SHISAL1: variants seen among roughly 807,000 people sequenced by gnomAD.
The protein encoded by SHISAL1 is shisa like 1.
A neutral mutation model predicts 22.6 loss-of-function variants in SHISAL1; 9 were observed. The observed-to-expected ratio is 0.40, with a 90% confidence interval of 0.24 to 0.70. SHISAL1 has a LOEUF of 0.70. SHISAL1 is among the 30% of genes least tolerant of loss of function. The pLI, the probability that SHISAL1 is intolerant of heterozygous loss-of-function variation, is 0.39. For synonymous variants in SHISAL1, 119 were observed against 115.4 expected (o/e 1.03, Z -0.20); for missense variants, 246 against 270.6 (o/e 0.91, Z 0.64).
chr22:44,312,286 G>A (rs1005594498), intron 1 of SHISAL1, among the ~76,000 whole-genome samples: 4 of 152,030 alleles, frequency 2.6e-5, no homozygotes, highest in African/African-American at 7.3e-5. Flanking sequence ...GAAGTGGGTC[G>A]AACAGACCCA....
chr22:44,315,196 T>A (rs562915211), upstream of SHISAL1, among the ~76,000 whole-genome samples: 1 of 152,168 alleles, frequency 6.6e-6, no homozygotes, highest in East Asian at 1.9e-4. Flanking sequence ...GGCAGAGACA[T>A]GGGCCTGACT....
At position 44,249,457 on chromosome 22, in the gene SHISAL1, C is replaced by T. The variant is rs1281924435; in HGVS notation, c.*228G>A. On this transcript the variant is annotated 3_prime_UTR_variant, in exon 5 of 5. Transcript: ENST00000381176. ...CCAAAATAGGACTATTGCTTGCGGACAGGTGGCTCAGAATCCCCTCCCCTG... is the reference window on the plus strand; with the variant it reads ...CCAAAATAGGACTATTGCTTGCGGATAGGTGGCTCAGAATCCCCTCCCCTG... 2.0e-6 allele frequency: 1 copy of T among 501,054 alleles called. No individual in the cohort carries two copies. Among genetic ancestry groups the T allele is most frequent in the Non-Finnish European group, 3.6e-6 (1 of 276,962 alleles). 31.0% of individuals were successfully genotyped at this position (501,054 alleles called of 1,614,324 possible).
intron 3 of SHISAL1, among the ~76,000 whole-genome samples, chr22:44,287,861 C>T (rs945358355): frequency 6.6e-6 from 1 of 152,090 alleles, no homozygotes; most frequent in African/African-American, 2.4e-5. Context: ...CCTGCTGCAG[C>T]CCCCACGGAA....
Position 44,246,270 on chromosome 22 carries a change from T to C in SHISAL1, c.*3415A>G, listed in dbSNP as rs2147262410. The C allele has an allele frequency of 6.6e-6, 1 of 152,320 alleles. No individual in the cohort carries two copies. Among genetic ancestry groups the C allele is most frequent in the South Asian group, 2.1e-4 (1 of 4,824 alleles). The allele number at this position is 152,320 out of a possible 1,614,324, so 9.4% of individuals were successfully genotyped here. A position where few individuals can be genotyped will look rare whatever the true frequency, so the allele number is the denominator to read the frequency against. On this transcript the variant is annotated 3_prime_UTR_variant, in exon 5 of 5. Coordinates refer to ENST00000381176, the MANE Select transcript of SHISAL1 (RefSeq NM_001099294.2). ...AAAACTGCTCATTAATTACACACAG[T>C]TCCCAGTGGGAAACAGTCCTTACAA...
chr22:44,263,079 C>CTTTTTTTTTTT (rs922017518), intron 4 of SHISAL1, among the ~76,000 whole-genome samples: 1 of 88,252 alleles, frequency 1.1e-5, no homozygotes, highest in Admixed American at 1.4e-4. Context: ...TTCTTTCTTT[C>CTTTTTTTTTTT]TTTTTTTTTT....
At chr22:44,282,299 G>T (rs2147288197) in intron 4 of SHISAL1, among the ~76,000 whole-genome samples, 1 of 152,368 alleles carries the variant, frequency 6.6e-6, no homozygotes, top group East Asian at 1.9e-4. Flanking sequence ...GGAGCCAGGG[G>T]CAGGGAACTC....
intron 4 of SHISAL1, among the ~76,000 whole-genome samples, chr22:44,276,315 C>A (rs1438757203): frequency 6.6e-6 from 1 of 151,928 alleles, no homozygotes; most frequent in Non-Finnish European, 1.5e-5. Context: ...CTGCAGCAAG[C>A]GGCAGTGTGG....
chr22:44,314,583 G>A (rs961513546), upstream of SHISAL1, among the ~76,000 whole-genome samples: 6 of 152,194 alleles, frequency 3.9e-5, no homozygotes, highest in African/African-American at 1.4e-4. Context: ...AACCTGCCTG[G>A]CAGACCGGGG....
intron 4 of SHISAL1, among the ~76,000 whole-genome samples, chr22:44,257,204 G>A (rs1368112626): frequency 7.2e-5 from 11 of 152,200 alleles, no homozygotes; most frequent in South Asian, 2.1e-4. Flanking sequence ...GTGGTCTCAC[G>A]TAACGATTAT....
the SHISAL1 span, among the ~76,000 whole-genome samples, chr22:44,329,463 A>G: frequency 0.25 from 37,597 of 151,436 alleles, 4,835 homozygotes; most frequent in East Asian, 0.3. Flanking sequence ...ACACACACAC[A>G]CGCGCGGCTC....
At chr22:44,317,231 G>A (rs1479707133), upstream of SHISAL1, among the ~76,000 whole-genome samples, 4 of 152,196 alleles carry the variant, frequency 2.6e-5, no homozygotes, top group South Asian at 8.3e-4. Context: ...AGCTCCGAGA[G>A]CCGGGCCAGG....
intron 4 of SHISAL1, among the ~76,000 whole-genome samples, chr22:44,273,605 A>G (rs2055219539): frequency 6.6e-6 from 1 of 152,236 alleles, no homozygotes; most frequent in African/African-American, 2.4e-5. Flanking sequence ...GGATATGTTT[A>G]CTTGTTCGTT....
At chr22:44,268,685 G>A (rs1488960224) in intron 4 of SHISAL1, among the ~76,000 whole-genome samples, 2 of 152,202 alleles carry the variant, frequency 1.3e-5, no homozygotes, top group East Asian at 3.8e-4. Flanking sequence ...ATGGGGAGAG[G>A]CCTCGGGAAG....
chr22:44,291,198 G>A (rs567899723), intron 3 of SHISAL1, among the ~76,000 whole-genome samples: 59 of 152,312 alleles, frequency 3.9e-4, no homozygotes, highest in African/African-American at 9.9e-4. Flanking sequence ...CCCGGGATAG[G>A]GGCTGCTTCT....
At chr22:44,283,283 G>A (rs1443672804) in intron 4 of SHISAL1, among the ~76,000 whole-genome samples, 1 of 152,192 alleles carries the variant, frequency 6.6e-6, no homozygotes, top group East Asian at 1.9e-4. Context: ...CAGGAAAGAC[G>A]AAGAGCCTCT....
intron 4 of SHISAL1, among the ~76,000 whole-genome samples, chr22:44,266,560 T>TGTGTGTGTGTGTGTGTGTGTGTGTG: frequency 1.2e-5 from 1 of 82,968 alleles, no homozygotes; most frequent in Non-Finnish European, 2.7e-5. Context: ...GTGTGTGTGT[T>TGTGTGTGTGTGTGTGTGTGTGTGTG]GGAGGGCTCT....
chr22:44,275,955 T>C (rs1458926878), intron 4 of SHISAL1, among the ~76,000 whole-genome samples: 1 of 152,234 alleles, frequency 6.6e-6, no homozygotes, highest in Non-Finnish European at 1.5e-5. Flanking sequence ...CATGGATGTA[T>C]TGAGCACCTA....
intron 4 of SHISAL1, among the ~76,000 whole-genome samples, chr22:44,271,551 G>C (rs1340341671): frequency 1.3e-5 from 2 of 152,220 alleles, no homozygotes; most frequent in African/African-American, 4.8e-5. Flanking sequence ...TTGCCAACAA[G>C]CATCTATTCT....
intron 4 of SHISAL1, among the ~76,000 whole-genome samples, chr22:44,257,441 A>T (rs1033373420): frequency 3.9e-5 from 6 of 152,158 alleles, no homozygotes; most frequent in Non-Finnish European, 8.8e-5. Context: ...GGTCATTGAG[A>T]TTCGAAATTC....
Sources: allele counts gnomAD v4.1 joint callset (sites outside exome capture counted in the v4.1 genomes callset), GRCh38; gene constraint gnomAD v4.1.1; transcripts MANE v1.5; gene names NCBI Gene and HGNC (gene_info 2026-07-23, HGNC 2026-07-21).